Variants in TMED3 observed in about 807,000 individuals in gnomAD.
TMED3 encodes the protein transmembrane emp24 domain-containing protein 3.
TMED3 carries 9 observed loss-of-function variants against 15.0 expected under a neutral mutation model. The ratio of observed to expected loss-of-function variants is 0.60; its 90% confidence interval spans 0.36 to 1.04. The LOEUF is 1.04. TMED3 is among the 50% of genes least tolerant of loss of function. TMED3 has a pLI of 0.01. For synonymous variants in TMED3, 117 were observed against 121.4 expected (o/e 0.96, Z 0.24); for missense variants, 267 against 278.9 (o/e 0.96, Z 0.30).
chr15:79,383,741 A>G (rs1274691837), intron 2 of TMED3: 1 of 152,278 alleles, frequency 6.6e-6, no homozygotes, highest in African/African-American at 2.4e-5. Context: ...GATAAAGCTG[A>G]TGTTGTGTTG....
chr15:79,333,773 T>G (rs992855344), intron 2 of TMED3, among the ~76,000 whole-genome samples: 1 of 152,160 alleles, frequency 6.6e-6, no homozygotes, highest in Non-Finnish European at 1.5e-5. Context: ...ACCCTTTGTT[T>G]AAAGCTACTG....
chr15:79,349,127 T>A (rs2058881984), intron 2 of TMED3, among the ~76,000 whole-genome samples: 1 of 152,212 alleles, frequency 6.6e-6, no homozygotes, highest in Non-Finnish European at 1.5e-5. Flanking sequence ...TGTGAGCCAC[T>A]GTGTCTGGCT....
chr15:79,340,377 C>A (rs1409448355), intron 2 of TMED3, among the ~76,000 whole-genome samples: 1 of 152,152 alleles, frequency 6.6e-6, no homozygotes, highest in East Asian at 1.9e-4. Context: ...GGACTTTGAG[C>A]TGTTGAAAAC....
chr15:79,396,833 C>T lies in TMED3; in HGVS notation c.418-14567C>T, dbSNP rs78049233. Among the ~76,000 whole-genome samples the T allele has an allele frequency of 3.5e-3, 526 of 152,234 alleles. 21 individuals carry two copies. The East Asian group carries it at 0.081, about 24-fold the overall frequency. ...AAGAAAGAATGTAAAATATTTTATT[C>T]TTAACTTTTAAATTTATTACATGTT... On this transcript the variant is annotated intron_variant, in intron 2 of 2. Transcript: ENST00000424155.
intron 2 of TMED3, among the ~76,000 whole-genome samples, chr15:79,317,377 G>T (rs2141214624): frequency 6.6e-6 from 1 of 152,324 alleles, no homozygotes; most frequent in South Asian, 2.1e-4. Flanking sequence ...TCTGGGTCCT[G>T]GGAGAAGGCT....
intron 2 of TMED3, among the ~76,000 whole-genome samples, chr15:79,397,941 C>G (rs1211389214): frequency 1.3e-5 from 2 of 152,190 alleles, no homozygotes; most frequent in African/African-American, 4.8e-5. Flanking sequence ...TCATCCTGCA[C>G]CAGAGTGGTA....
chr15:79,381,548 C>T (rs1041377829), intron 2 of TMED3, among the ~76,000 whole-genome samples: 2 of 152,224 alleles, frequency 1.3e-5, no homozygotes, highest in Non-Finnish European at 2.9e-5. Context: ...CAACTTTTGT[C>T]TAGAACAAGT....
In TMED3 at chr15:79,322,121, G is replaced by A. The variant is rs1385994186; in HGVS notation, c.561G>A (p.Thr187=). The change falls in exon 3 of 3, where the codon ACG becomes ACA. Residue 187 remains threonine (T), a synonymous_variant. Transcript: ENST00000299705. ...SRVSYWSVGE[T]IALFVVSFSQ... ...TCTCTTACTGGTCTGTTGGCGAGAC[G>A]ATTGCCCTGTTCGTGGTCAGCTTCA... is the stretch of plus-strand genomic sequence containing the variant. 14 of 1,614,104 alleles carry A rather than the reference G, an allele frequency of 8.7e-6. No individual in the cohort carries two copies. Among genetic ancestry groups the A allele is most frequent in the Admixed American group, 1.7e-5 (1 of 60,008 alleles).
chr15:79,413,485 A>C (rs1018813009), exon 3 of TMED3: 3 of 152,264 alleles, frequency 2.0e-5, no homozygotes, highest in Non-Finnish European at 4.4e-5. Context: ...CTTCAGTGAA[A>C]TTCTTGACTG....
chr15:79,344,056 G>A (rs1041394597), intron 2 of TMED3, among the ~76,000 whole-genome samples: 3 of 152,178 alleles, frequency 2.0e-5, no homozygotes, highest in Non-Finnish European at 4.4e-5. Flanking sequence ...CTCGGCCTAC[G>A]TAGTTCACCA....
At chr15:79,362,809 C>T (rs1299078610) in intron 2 of TMED3, among the ~76,000 whole-genome samples, 1 of 152,198 alleles carries the variant, frequency 6.6e-6, no homozygotes. Context: ...TGTGAGGCCT[C>T]CCCAGCCATG....
At chr15:79,332,488 C>T (rs2058813003) in intron 2 of TMED3, among the ~76,000 whole-genome samples, 1 of 152,322 alleles carries the variant, frequency 6.6e-6, no homozygotes, top group South Asian at 2.1e-4. Flanking sequence ...CCAGAATCTT[C>T]CTCCCACTAA....
At chr15:79,355,056 C>T (rs1008569451) in intron 2 of TMED3, among the ~76,000 whole-genome samples, 1 of 152,158 alleles carries the variant, frequency 6.6e-6, no homozygotes, top group Admixed American at 6.5e-5. Context: ...GGTTTACATA[C>T]CCACTTGGTA....
chr15:79,384,674 G>A (rs942705772), intron 2 of TMED3: 1 of 152,194 alleles, frequency 6.6e-6, no homozygotes, highest in Non-Finnish European at 1.5e-5. Flanking sequence ...AGATAATTGG[G>A]TAGCCATATA....
In TMED3 at chr15:79,312,505, G is replaced by A. The variant is rs140580730; in HGVS notation, c.168+1088G>A. Among the ~76,000 whole-genome samples the A allele has an allele frequency of 3.0e-4, 46 of 152,288 alleles. 1 individual carries two copies. Among genetic ancestry groups the A allele is most frequent in the African/African-American group, 1.1e-3 (46 of 41,548 alleles). On this transcript the variant is annotated intron_variant, in intron 1 of 2. Transcript: ENST00000299705. ...TGGGTTTAAACACACTTAGCAACAG[G>A]ATACTCACTGCTTTTTGCAAAGCTT... is the stretch of plus-strand genomic sequence containing the variant.
At chr15:79,360,721 G>A (rs904382420) in intron 2 of TMED3, among the ~76,000 whole-genome samples, 5 of 152,128 alleles carry the variant, frequency 3.3e-5, no homozygotes, top group African/African-American at 4.8e-5. Flanking sequence ...TCTACGTGTC[G>A]TGACAATGCT....
At chr15:79,386,752 T>C (rs1893632278) in intron 2 of TMED3, among the ~76,000 whole-genome samples, 1 of 145,240 alleles carries the variant, frequency 6.9e-6, no homozygotes, top group Non-Finnish European at 1.5e-5. Context: ...TTTCACCATG[T>C]TGGCCAGACT....
At chr15:79,383,130 G>T in intron 2 of TMED3, 6 of 1,067,966 alleles carry the variant, frequency 5.6e-6, no homozygotes, top group East Asian at 2.6e-5. Flanking sequence ...TACTGCCATG[G>T]TGCACTTCAC....
intron 2 of TMED3, among the ~76,000 whole-genome samples, chr15:79,334,514 C>T (rs932400392): frequency 9.2e-5 from 14 of 151,784 alleles, no homozygotes; most frequent in African/African-American, 3.1e-4. Flanking sequence ...AAGGAAGGGT[C>T]GGGGGGAGCT....
Sources: allele counts gnomAD v4.1 joint callset (sites outside exome capture counted in the v4.1 genomes callset), GRCh38; gene constraint gnomAD v4.1.1; transcripts MANE v1.5; gene names NCBI Gene and HGNC (gene_info 2026-07-23, HGNC 2026-07-21).